The following SLC24A1 variants were observed in gnomAD, a reference collection of about 807,000 sequenced individuals.
SLC24A1 encodes the protein solute carrier family 24 member 1.
SLC24A1 carries 52 observed loss-of-function variants against 88.1 expected under a neutral mutation model. The observed-to-expected ratio is 0.59, with a 90% CI of 0.47 to 0.74. The LOEUF (loss-of-function observed/expected upper bound fraction) is 0.74. SLC24A1 is among the 30% of genes least tolerant of loss of function. SLC24A1 has a pLI of 0.00. For synonymous variants in SLC24A1, 455 were observed against 498.0 expected (o/e 0.91, Z 1.15); for missense variants, 1,173 against 1,363.3 (o/e 0.86, Z 2.20).
chr15:65,656,957 C>G (rs1219552442), downstream of SLC24A1, among the ~76,000 whole-genome samples: 1 of 152,192 alleles, frequency 6.6e-6, no homozygotes, highest in Non-Finnish European at 1.5e-5. Flanking sequence ...TGTAGCCTCA[C>G]CTTGTGGGCT....
chr15:65,654,096 C>T lies in SLC24A1; in HGVS notation c.*17C>T. ...TCTGTCTGAATCAGTCACTCTTGCT[C>T]ACAATGGGCATGGATCAGAAGACCA... On this transcript the variant is annotated 3_prime_UTR_variant, in exon 10 of 10. Transcript: ENST00000261892. 2 of 1,607,056 alleles carry T rather than the reference C, an allele frequency of 1.2e-6. No individual in the cohort carries two copies. Among genetic ancestry groups the T allele is most frequent in the Non-Finnish European group, 1.7e-6 (2 of 1,175,250 alleles).
At chr15:65,633,068 G>C (rs1346715122) in intron 2 of SLC24A1, among the ~76,000 whole-genome samples, 1 of 152,192 alleles carries the variant, frequency 6.6e-6, no homozygotes, top group African/African-American at 2.4e-5. Flanking sequence ...GGGATACTTA[G>C]CTGAATCTTG....
At position 65,654,840 on chromosome 15, in the gene SLC24A1, T is replaced by C. The variant is rs912483846; in HGVS notation, c.*761T>C. ...CCTGCCTCAGCCTGAAGTCGTGATC[T>C]GCCCGCCTCGGCCTCCCAAAGTGCT... On this transcript the variant is annotated 3_prime_UTR_variant, in exon 10 of 10. Transcript: ENST00000261892. 2.2e-5 allele frequency: 23 copies of C among 1,068,912 alleles called. No homozygotes were observed. In the Admixed American group the frequency reaches 2.5e-4, roughly 12 times the overall value. The allele number at this position is 1,068,912 out of a possible 1,614,324, so 66.2% of individuals were successfully genotyped here. A position where few individuals can be genotyped will look rare whatever the true frequency, so the allele number is the denominator to read the frequency against.
chr15:65,614,601 C>T (rs1404344570), intron 2 of SLC24A1, among the ~76,000 whole-genome samples: 1 of 152,194 alleles, frequency 6.6e-6, no homozygotes, highest in African/African-American at 2.4e-5. Flanking sequence ...AATCCTCTTT[C>T]AGTTTTTTCC....
downstream of SLC24A1, chr15:65,660,186 A>G (rs576663266): frequency 4.9e-6 from 4 of 821,836 alleles, no homozygotes; most frequent in South Asian, 3.0e-5. Context: ...AGAGGCAGAT[A>G]TATGTGCCTA....
intron 2 of SLC24A1, among the ~76,000 whole-genome samples, chr15:65,629,161 C>T (rs185018020): frequency 1.3e-5 from 2 of 152,284 alleles, no homozygotes; most frequent in South Asian, 2.1e-4. Context: ...ATACAATCAG[C>T]GGAGAACAAT....
upstream of SLC24A1, among the ~76,000 whole-genome samples, chr15:65,621,210 C>T (rs921569263): frequency 5.3e-4 from 81 of 152,174 alleles, 1 homozygote; most frequent in Non-Finnish European, 8.1e-4. Flanking sequence ...AATGTCAGGC[C>T]GAGTTAGCTG....
chr15:65,629,702 T>G (rs537558724), intron 2 of SLC24A1, among the ~76,000 whole-genome samples: 4 of 152,274 alleles, frequency 2.6e-5, no homozygotes, highest in African/African-American at 9.6e-5. Flanking sequence ...TGAAAAGCAT[T>G]ATTGGTATTT....
At chr15:65,648,936 C>T (rs760275966) in intron 6 of SLC24A1, among the ~76,000 whole-genome samples, 2 of 152,156 alleles carry the variant, frequency 1.3e-5, no homozygotes, top group African/African-American at 2.4e-5. Context: ...TGAGACCACA[C>T]CCAGCTATCA....
intron 9 of SLC24A1, 49 bp downstream of exon 9, chr15:65,652,857 C>T: frequency 6.9e-7 from 1 of 1,446,906 alleles, no homozygotes; most frequent in Non-Finnish European, 9.5e-7. Context: ...GACTGGAAAA[C>T]ACTGCATTGG....
Position 65,625,017 on chromosome 15 carries a change from T to C in SLC24A1, c.937T>C (p.Leu313=). The C allele has an allele frequency of 6.2e-7, 1 of 1,613,090 alleles. No individual in the cohort carries two copies. The highest frequency in any genetic ancestry group is 8.5e-7 in the Non-Finnish European group (1 of 1,179,432). The stretch of plus-strand genomic sequence containing the variant: ...GAAGACTCCCCAGGGAACAGTCCTG[T>C]TGCATACCCCAGCCACCTCTGAGGG... ...NPKTPQGTVL[L]HTPATSEGQV... The change falls in exon 2 of 10, where the codon TTG becomes CTG. Residue 313 remains leucine, a synonymous_variant. Coordinates refer to ENST00000261892, the MANE Select transcript of SLC24A1 (RefSeq NM_004727.3).
chr15:65,634,986 A>G (rs967531326), intron 2 of SLC24A1, among the ~76,000 whole-genome samples: 1 of 152,180 alleles, frequency 6.6e-6, no homozygotes, highest in Non-Finnish European at 1.5e-5. Flanking sequence ...TGGATATGAA[A>G]GGCTTCAGAA....
chr15:65,624,807 G>A lies in SLC24A1; in HGVS notation c.727G>A (p.Glu243Lys), dbSNP rs759809092. The change falls in exon 2 of 10, where the codon GAA (glutamate) becomes AAA (lysine). Residue 243 changes from glutamate to lysine, a missense_variant. Glu to Lys is a moderately conservative substitution (Grantham distance 56). Transcript: ENST00000261892. ...CAACTCTCTTAAGAGAATAATGGAG[G>A]AAACCACCCCAACCACTCTCAAGGG... ...ETNSLKRIME[E>K]TTPTTLKGMF... 1.2e-6 allele frequency: 2 copies of A among 1,614,016 alleles called. No homozygotes were observed. The highest frequency in any genetic ancestry group is 4.5e-5 in the East Asian group (2 of 44,892).
chr15:65,659,322 G>GTTT (rs869058369), downstream of SLC24A1: 54 of 71,576 alleles, frequency 7.5e-4, 5 homozygotes, highest in African/African-American at 2.2e-3. Context: ...ATATTTTCTG[G>GTTT]TTTTTTTTTT....
In SLC24A1 at chr15:65,625,838, C is replaced by A; in HGVS notation, c.1758C>A (p.Ser586Arg). 3 of 1,613,482 alleles carry A rather than the reference C, an allele frequency of 1.9e-6. No homozygotes were observed. The highest frequency in any genetic ancestry group is 8.5e-7 in the Non-Finnish European group (1 of 1,179,536). The change falls in exon 2 of 10, where the codon AGC (serine) becomes AGA (arginine). Residue 586 changes from serine (S) to arginine (R), a missense_variant. By Grantham distance (110) the Ser-to-Arg change is moderately radical. Transcript: ENST00000261892. ...ACAGCCTCATTGCCTGGTGGGAGAG[C>A]CTGCTGCTGCTGCTGGCCTATGCCT... is the stretch of plus-strand genomic sequence containing the variant. Reference protein sequence around the residue: ...FLDSLIAWWESLLLLLAYAFY... With the variant: ...FLDSLIAWWERLLLLLAYAFY...
At chr15:65,660,084 T>G, downstream of SLC24A1, 1 of 496,394 alleles carries the variant, frequency 2.0e-6, no homozygotes, top group South Asian at 3.2e-5. Flanking sequence ...AGTTGACAAC[T>G]TTCAAATGAT....
intron 2 of SLC24A1, among the ~76,000 whole-genome samples, chr15:65,616,816 A>G (rs936151382): frequency 4.6e-5 from 7 of 152,136 alleles, no homozygotes; most frequent in African/African-American, 7.2e-5. Flanking sequence ...TATGTCCTGA[A>G]TGGTATTGCC....
chr15:65,626,009 A>G, intron 2 of SLC24A1, 39 bp downstream of exon 2: 1 of 1,473,850 alleles, frequency 6.8e-7, no homozygotes, highest in Non-Finnish European at 9.5e-7. Context: ...AGCCCCTTTG[A>G]GATGAAAGGA....
upstream of SLC24A1, among the ~76,000 whole-genome samples, chr15:65,617,408 C>T (rs1274877911): frequency 6.6e-6 from 1 of 152,158 alleles, no homozygotes; most frequent in African/African-American, 2.4e-5. Flanking sequence ...TTTCGTTGAG[C>T]AGTGGTTTGT....
Sources: allele counts gnomAD v4.1 joint callset (sites outside exome capture counted in the v4.1 genomes callset), GRCh38; gene constraint gnomAD v4.1.1; transcripts MANE v1.5; gene names NCBI Gene and HGNC (gene_info 2026-07-23, HGNC 2026-07-21).